CD44: variants seen among roughly 807,000 people sequenced by gnomAD.
CD44 encodes the protein CD44 antigen.
A neutral mutation model predicts 88.8 loss-of-function variants in CD44; 49 were observed. That is an observed-to-expected ratio of 0.55 (90% CI 0.44 to 0.70). The LOEUF (loss-of-function observed/expected upper bound fraction) is 0.70, where lower values mean the gene tolerates loss of function less well. CD44 is among the 30% of genes least tolerant of loss of function. The pLI is 0.00. For missense variants in CD44, 883 were observed against 913.8 expected (o/e 0.97, Z 0.43); for synonymous variants, 325 against 312.3 (o/e 1.04, Z -0.43).
intron 1 of CD44, among the ~76,000 whole-genome samples, chr11:35,144,683 C>A (rs1157364791): frequency 1.3e-5 from 2 of 152,114 alleles, no homozygotes; most frequent in Admixed American, 1.3e-4. Flanking sequence ...AGTCATTGTG[C>A]GTTCCAGATT....
chr11:35,187,020 C>T (rs1945749887), intron 4 of CD44, 120 bp downstream of exon 4: 2 of 666,542 alleles, frequency 3.0e-6, no homozygotes, highest in South Asian at 3.2e-5. Flanking sequence ...CTCCTGTAAT[C>T]CCAGCACTTT....
chr11:35,229,452 TA>T lies in CD44; in HGVS notation c.*123del. ...GTTTCATTGCGAATCTTTTTTAGCA[TA>T]AAATTTTCTACTCTTTTTGTTTTTT... is the stretch of plus-strand genomic sequence containing the variant. On this transcript the variant is annotated 3_prime_UTR_variant, in exon 18 of 18. Coordinates refer to ENST00000428726, the MANE Select transcript of CD44 (RefSeq NM_000610.4). 1.6e-6 allele frequency: 1 copy of T among 640,142 alleles called. No homozygotes were observed. The highest frequency in any genetic ancestry group is 2.7e-6 in the Non-Finnish European group (1 of 377,348). The allele number at this position is 640,142 out of a possible 1,614,324, so 39.7% of individuals were successfully genotyped here.
chr11:35,214,901 A>T lies in CD44; in HGVS notation c.1860A>T (p.Gly620=), dbSNP rs542323203. 137 of 1,558,512 alleles carry T rather than the reference A, an allele frequency of 8.8e-5. No individual in the cohort carries two copies. The highest frequency in any genetic ancestry group is 3.4e-4 in the Middle Eastern group (2 of 5,894). The change falls in exon 15 of 18, where the codon GGA becomes GGT. Residue 620 remains glycine, a synonymous_variant. Coordinates refer to ENST00000428726, the MANE Select transcript of CD44 (RefSeq NM_000610.4). ...HPSGGSHTTH[G]SESDGHSHGS... is the part of the protein sequence containing the mutation. The stretch of plus-strand genomic sequence containing the variant: ...GTGGGGGGTCCCATACCACTCATGG[A>T]TCTGAATCAGATGGTGAGTTCAAAA...
In CD44 at chr11:35,176,544, A is replaced by G. The variant is rs1425942934; in HGVS notation, c.68-31A>G. On this transcript the variant is annotated intron_variant, in intron 1 of 17. Coordinates refer to ENST00000428726, the MANE Select transcript of CD44 (RefSeq NM_000610.4). ...TACTGTCTCCAAATTATTTATGCAA[A>G]AGAATCTAACATTTCTATTTCTTCC... 3 of 1,589,122 alleles carry G rather than the reference A, an allele frequency of 1.9e-6. No individual in the cohort carries two copies. In the South Asian group the frequency reaches 3.4e-5, roughly 18 times the overall value.
At chr11:35,165,533 C>T (rs903327055) in intron 1 of CD44, among the ~76,000 whole-genome samples, 1 of 152,182 alleles carries the variant, frequency 6.6e-6, no homozygotes, top group Middle Eastern at 3.2e-3. Context: ...AATAGCAAAG[C>T]CTGATGTACT....
intron 15 of CD44, among the ~76,000 whole-genome samples, chr11:35,216,468 A>T (rs770800573): frequency 2.0e-5 from 3 of 152,254 alleles, no homozygotes; most frequent in Non-Finnish European, 2.9e-5. Context: ...ATGGATATTT[A>T]CATGGTGGCT....
chr11:35,163,407 G>A (rs1297193711), intron 1 of CD44, among the ~76,000 whole-genome samples: 2 of 152,158 alleles, frequency 1.3e-5, no homozygotes, highest in African/African-American at 4.8e-5. Context: ...GACTGGCATT[G>A]TGCACCCTGT....
Position 35,139,334 on chromosome 11 carries a change from G to A in CD44, c.31G>A (p.Gly11Arg). The part of the protein sequence containing the change: MDKFWWHAAW[G>R]LCLVPLSLAQ... ...CAAGTTTTGGTGGCACGCAGCCTGG[G>A]GACTCTGCCTCGTGCCGCTGAGCCT... Residue 11 changes from glycine to arginine, a missense_variant, in exon 1 of 18, where the codon GGA (glycine) becomes AGA (arginine). By Grantham distance (125) the Gly-to-Arg change is moderately radical (BLOSUM62 -2). Transcript: ENST00000428726. The A allele has an allele frequency of 6.4e-7, 1 of 1,562,544 alleles. No homozygotes were observed.
chr11:35,159,092 TC>T (rs1231398398), intron 1 of CD44, among the ~76,000 whole-genome samples: 2 of 152,216 alleles, frequency 1.3e-5, no homozygotes, highest in African/African-American at 4.8e-5. Context: ...CAGAGTAGCT[TC>T]CTTTTCATTC....
intron 6 of CD44, chr11:35,197,701 T>G: frequency 6.5e-6 from 1 of 155,008 alleles, no homozygotes; most frequent in Non-Finnish European, 1.4e-5. Context: ...TCCAACATTT[T>G]TCTGAAGGTG....
At chr11:35,151,776 A>AGAC (rs1860371859) in intron 1 of CD44, among the ~76,000 whole-genome samples, 1 of 152,212 alleles carries the variant, frequency 6.6e-6, no homozygotes, top group Non-Finnish European at 1.5e-5. Context: ...TATAGACTCT[A>AGAC]TCTCCTTCTA....
At chr11:35,206,001 G>A in intron 10 of CD44, 111 bp from the exon 11 acceptor site, 2 of 1,384,324 alleles carry the variant, frequency 1.4e-6, no homozygotes, top group Non-Finnish European at 9.4e-7. Flanking sequence ...CAAGGAAGAT[G>A]GTTTCATTGT....
intron 15 of CD44, 58 bp downstream of exon 15, chr11:35,214,972 T>A: frequency 1.9e-6 from 2 of 1,078,306 alleles, no homozygotes; most frequent in Non-Finnish European, 2.6e-6. Context: ...TAATGATGAC[T>A]ACCAACGAAG....
intron 7 of CD44, among the ~76,000 whole-genome samples, chr11:35,199,945 T>TG (rs1947146062): frequency 6.7e-6 from 1 of 149,080 alleles, no homozygotes; most frequent in Non-Finnish European, 1.5e-5. Context: ...TTTTTTTTTT[T>TG]TTTTTTTTTT....
chr11:35,221,867 T>A, intron 17 of CD44, 135 bp downstream of exon 17: 1 of 780,678 alleles, frequency 1.3e-6, no homozygotes, highest in Non-Finnish European at 2.2e-6. Flanking sequence ...AAATGCACAA[T>A]CTCAGACCCA....
At chr11:35,226,212 G>C (rs1265439484) in intron 17 of CD44, among the ~76,000 whole-genome samples, 1 of 152,148 alleles carries the variant, frequency 6.6e-6, no homozygotes, top group Non-Finnish European at 1.5e-5. Context: ...GTGTCCTATA[G>C]GTCAAATGTT....
chr11:35,148,925 A>G (rs369626714), intron 1 of CD44, among the ~76,000 whole-genome samples: 14 of 151,540 alleles, frequency 9.2e-5, no homozygotes, highest in Admixed American at 4.6e-4. Flanking sequence ...CTCTATTGCT[A>G]CTTGTAGCGA....
intron 5 of CD44, among the ~76,000 whole-genome samples, chr11:35,191,171 G>A (rs1030605092): frequency 1.3e-5 from 2 of 152,188 alleles, no homozygotes; most frequent in Non-Finnish European, 2.9e-5. Flanking sequence ...TGGCAGAAAT[G>A]CGCTGGCTTG....
chr11:35,168,446 A>G (rs1943539590), intron 1 of CD44, among the ~76,000 whole-genome samples: 1 of 152,216 alleles, frequency 6.6e-6, no homozygotes, highest in African/African-American at 2.4e-5. Flanking sequence ...AATTAAGTGA[A>G]ATATTAGGTG....
Sources: gnomAD v4.1 joint callset for allele counts (sites outside exome capture counted in the v4.1 genomes callset) on GRCh38, gnomAD v4.1.1 for gene constraint, MANE v1.5 for transcripts, NCBI Gene and HGNC (gene_info 2026-07-23, HGNC 2026-07-21) for gene names.